SLC28A1: variants seen among roughly 807,000 people sequenced by gnomAD.
SLC28A1 encodes the protein solute carrier family 28 member 1.
SLC28A1 carries 64 observed loss-of-function variants against 74.8 expected under a neutral mutation model. That is an observed-to-expected ratio of 0.86 (90% CI 0.70 to 1.05). The LOEUF is 1.05. SLC28A1 is among the 50% of genes least tolerant of loss of function. The pLI is 0.00. For missense variants in SLC28A1, 828 were observed against 822.8 expected, an observed-to-expected ratio of 1.01 and a Z score of -0.08; for synonymous variants, 359 against 335.0, an observed-to-expected ratio of 1.07 and a Z score of -0.78.
In SLC28A1 at chr15:84,945,514, C is replaced by A. The variant is rs1249858441; in HGVS notation, c.*314C>A. On this transcript the variant is annotated 3_prime_UTR_variant, in exon 19 of 19. Transcript: ENST00000394573. Reference sequence around the variant, plus strand: ...AACAGCACCCTGGTCCTCTCTATCCCCCCTCTCCTGGGGTCCCTCACATGC... The same window carrying A: ...AACAGCACCCTGGTCCTCTCTATCCACCCTCTCCTGGGGTCCCTCACATGC... 1.7e-5 allele frequency: 7 copies of A among 401,766 alleles called. No individual in the cohort carries two copies. Among genetic ancestry groups the A allele is most frequent in the Non-Finnish European group, 3.3e-5 (7 of 210,258 alleles). The allele number at this position is 401,766 out of a possible 1,614,324, so 24.9% of individuals were successfully genotyped here. A position where few individuals can be genotyped will look rare whatever the true frequency, so the allele number is the denominator to read the frequency against.
rs1199190694 is a variant in SLC28A1 at position 84,904,206 on chromosome 15, C to T, written c.571C>T (p.Leu191Phe). The T allele has an allele frequency of 6.2e-7, 1 of 1,614,158 alleles. No homozygotes were observed. Among genetic ancestry groups the T allele is most frequent in the South Asian group, 1.1e-5 (1 of 91,088 alleles). Residue 191 changes from leucine to phenylalanine, a missense_variant, in exon 7 of 19, where the codon CTC (leucine) becomes TTC (phenylalanine). Physicochemically the swap from Leu to Phe is conservative, Grantham distance 22 (BLOSUM62 0). Coordinates refer to ENST00000394573, the MANE Select transcript of SLC28A1 (RefSeq NM_004213.5). ...SFAGICVFVA[L>F]LFACSKHHCA... is the part of the protein sequence containing the mutation. ...CGCAGGAATCTGCGTGTTCGTCGCT[C>T]TCCTCTTTGCCTGCTCAAAGCATCA...
intron 6 of SLC28A1, among the ~76,000 whole-genome samples, chr15:84,903,548 CAA>C (rs2141763950): frequency 6.6e-6 from 1 of 152,330 alleles, no homozygotes; most frequent in South Asian, 2.1e-4. Flanking sequence ...CCTGGACAAA[CAA>C]ATCCCAGCCC....
Position 84,905,690 on chromosome 15 carries a change from A to G in SLC28A1, c.717+38A>G, listed in dbSNP as rs17215940. The G allele has an allele frequency of 3.8e-3, 5,465 of 1,429,506 alleles. 27 individuals carry two copies. Among genetic ancestry groups the G allele is most frequent in the Middle Eastern group, 1.0e-2 (57 of 5,724 alleles). 88.6% of individuals were successfully genotyped at this position (1,429,506 alleles called of 1,614,324 possible). ...GGTCTGGCTGCCCAGAGCATCTTAG[A>G]TTACTGGGAGTAGGGGAGAAGCCAC... On this transcript the variant is annotated intron_variant, in intron 8 of 18. Transcript: ENST00000394573.
intron 9 of SLC28A1, among the ~76,000 whole-genome samples, chr15:84,910,379 G>T (rs1967972270): frequency 1.3e-5 from 2 of 152,196 alleles, no homozygotes; most frequent in South Asian, 4.1e-4. Context: ...CTGCTTCAGG[G>T]TGACCTCTGG....
Position 84,933,537 on chromosome 15 carries a change from G to T in SLC28A1, c.1214+262G>T, listed in dbSNP as rs1219343886. Among the ~76,000 whole-genome samples the T allele has an allele frequency of 2.0e-5, 3 of 152,148 alleles. 1 individual carries two copies. The highest frequency in any genetic ancestry group is 4.1e-4 in the South Asian group (2 of 4,830). On this transcript the variant is annotated intron_variant, in intron 13 of 18. Coordinates refer to ENST00000394573, the MANE Select transcript of SLC28A1 (RefSeq NM_004213.5). ...GAGGCTGAGAAGTCCAAGGTCGAGG[G>T]GTTGTATCTGGCGAGAGCCTTCTTG...
intron 10 of SLC28A1, among the ~76,000 whole-genome samples, chr15:84,920,480 G>GGAAGGA (rs1446312863): frequency 6.6e-6 from 1 of 151,584 alleles, no homozygotes; most frequent in Non-Finnish European, 1.5e-5. Context: ...AAGGGGAAGG[G>GGAAGGA]GAAGGGGAAG....
chr15:84,908,981 A>C (rs1318065864), intron 9 of SLC28A1, among the ~76,000 whole-genome samples, 186 bp downstream of exon 9: 2 of 152,162 alleles, frequency 1.3e-5, no homozygotes, highest in African/African-American at 4.8e-5. Context: ...TGTTCACCTC[A>C]TGAGATGTTT....
rs1964786675 is a variant in SLC28A1, at chr15:84,887,876, A to AGG, written c.96+21_96+22insGG. 1 of 1,567,624 alleles carries AGG rather than the reference A, an allele frequency of 6.4e-7. No individual in the cohort carries two copies. Among genetic ancestry groups the AGG allele is most frequent in the Non-Finnish European group, 8.8e-7 (1 of 1,137,706 alleles). On this transcript the variant is annotated intron_variant, in intron 3 of 18. Coordinates refer to ENST00000394573, the MANE Select transcript of SLC28A1 (RefSeq NM_004213.5). ...AGCCTGGTCTGTACCCTTCCCCATC[A>AGG]GTCATCCTGACCCCTCAGCCTCTTT...
chr15:84,966,969 G>A, the SLC28A1 span, among the ~76,000 whole-genome samples: 7,784 of 152,070 alleles, frequency 0.051, 515 homozygotes, highest in Admixed American at 0.17. Flanking sequence ...TTAAGAGATG[G>A]GGGGTCTTGC....
At chr15:84,925,010 C>T (rs1596318610) in intron 12 of SLC28A1, among the ~76,000 whole-genome samples, 1 of 150,246 alleles carries the variant, frequency 6.7e-6, no homozygotes, top group Non-Finnish European at 1.5e-5. Context: ...AAGCGTTTCT[C>T]CTGCCTCAGC....
the SLC28A1 span, among the ~76,000 whole-genome samples, chr15:84,956,468 C>CTTTCCTTCT: frequency 3.3e-4 from 22 of 67,126 alleles, no homozygotes; most frequent in African/African-American, 8.9e-4. Flanking sequence ...TCTTTCTTTC[C>CTTTCCTTCT]TTCTTTCTTT....
intron 7 of SLC28A1, among the ~76,000 whole-genome samples, chr15:84,905,149 C>T (rs76460608): frequency 7.2e-5 from 11 of 152,122 alleles, no homozygotes; most frequent in Admixed American, 2.6e-4. Flanking sequence ...AGATTGGAGA[C>T]GGTCAGGCAG....
intron 15 of SLC28A1, among the ~76,000 whole-genome samples, chr15:84,935,951 G>GT (rs1262653065): frequency 1.5e-3 from 58 of 38,768 alleles, no homozygotes; most frequent in East Asian, 5.2e-3. Flanking sequence ...TTTGGTTTTT[G>GT]TTTTTTTTTT....
At chr15:84,939,442 T>G (rs1972383403) in intron 15 of SLC28A1, among the ~76,000 whole-genome samples, 1 of 152,188 alleles carries the variant, frequency 6.6e-6, no homozygotes, top group African/African-American at 2.4e-5. Flanking sequence ...GGAACACAAC[T>G]GTAGGTGGGC....
At chr15:84,906,571 TTTCTTCCTTC>T (rs1567140684) in intron 8 of SLC28A1, among the ~76,000 whole-genome samples, 16 of 41,500 alleles carry the variant, frequency 3.9e-4, no homozygotes, top group African/African-American at 1.2e-3. Flanking sequence ...TTTCTCTTTC[TTTCTTCCTTC>T]CTTCCTTCCT....
chr15:84,904,221 T>A lies in SLC28A1; in HGVS notation c.586T>A (p.Ser196Thr). 6.2e-7 allele frequency: 1 copy of A among 1,614,072 alleles called. No individual in the cohort carries two copies. ...GTTCGTCGCTCTCCTCTTTGCCTGCTCAAAGCATCATTGCGCAGTGAGTGC... is the reference window on the plus strand; with the variant it reads ...GTTCGTCGCTCTCCTCTTTGCCTGCACAAAGCATCATTGCGCAGTGAGTGC... ...CVFVALLFACSKHHCAVSWRA... is the reference protein window; with the variant it reads ...CVFVALLFACTKHHCAVSWRA... Residue 196 changes from serine to threonine, a missense_variant, in exon 7 of 19, where the codon TCA becomes ACA. This residue lies in a region of SLC28A1 where 767 missense variants were observed against 753.5 expected (regional missense o/e 1.02). Coordinates refer to ENST00000394573, the MANE Select transcript of SLC28A1 (RefSeq NM_004213.5).
At chr15:84,899,931 GAAA>G (rs1266655186) in intron 6 of SLC28A1, among the ~76,000 whole-genome samples, 1 of 98,222 alleles carries the variant, frequency 1.0e-5, no homozygotes, top group Non-Finnish European at 2.4e-5. Flanking sequence ...AAGAGGGAAA[GAAA>G]GAAAGAAAGG....
Position 84,933,260 on chromosome 15 carries a change from T to A in SLC28A1, c.1199T>A (p.Val400Glu). 1 of 1,612,660 alleles carries A rather than the reference T, an allele frequency of 6.2e-7. No homozygotes were observed. Among genetic ancestry groups the A allele is most frequent in the Non-Finnish European group, 8.5e-7 (1 of 1,179,450 alleles). Residue 400 changes from valine (V) to glutamate (E), a missense_variant, in exon 13 of 19, where the codon GTG becomes GAG. Val to Glu is a moderately radical substitution (Grantham distance 121). Around this residue, in one of 3 missense-constraint regions of SLC28A1, gnomAD observed 767 missense variants for 753.5 expected, o/e 1.02. Coordinates refer to ENST00000394573, the MANE Select transcript of SLC28A1 (RefSeq NM_004213.5). ...TCCAAGTTTAGGAGGGAGGAAGGAGTGAAACTGACCTATGGGTGAGCACAG... is the reference window on the plus strand; with the variant it reads ...TCCAAGTTTAGGAGGGAGGAAGGAGAGAAACTGACCTATGGGTGAGCACAG... ...EESKFRREEGVKLTYGDAQNL... is the reference protein window; with the variant it reads ...EESKFRREEGEKLTYGDAQNL...
At chr15:84,910,652 C>T (rs902333341) in intron 9 of SLC28A1, among the ~76,000 whole-genome samples, 5 of 152,126 alleles carry the variant, frequency 3.3e-5, no homozygotes, top group Admixed American at 1.3e-4. Flanking sequence ...CGCTTGAACC[C>T]AGGAGGCAGA....
Sources: allele counts gnomAD v4.1 joint callset (sites outside exome capture counted in the v4.1 genomes callset), GRCh38; gene constraint gnomAD v4.1.1; regional missense constraint gnomAD v4.1.1; transcripts MANE v1.5; gene names NCBI Gene and HGNC (gene_info 2026-07-23, HGNC 2026-07-21).